Variants in PAG1 observed in about 807,000 individuals in gnomAD.
The protein encoded by PAG1 is phosphoprotein associated with glycosphingolipid-enriched microdomains 1.
Under a neutral mutation model 31.7 loss-of-function variants are expected in PAG1, and 23 were observed. The ratio of observed to expected loss-of-function variants is 0.73; its 90% CI spans 0.52 to 1.03. PAG1 has a LOEUF of 1.03. Ranked by LOEUF, PAG1 falls within the 50% of genes least tolerant of loss-of-function variation. PAG1 has a pLI of 0.00. For missense variants in PAG1, 473 were observed against 540.7 expected (o/e 0.87, Z 1.24); for synonymous variants, 214 against 210.3 (o/e 1.02, Z -0.15).
chr8:81,109,003 G>A lies in PAG1; in HGVS notation c.-234+2588C>T, dbSNP rs1586225466. ...GGTGGTTTCCTTGACTGTGTAGATTGCTGCAGCTACACGTGCAGGCAGGAA... is the reference window on the plus strand; with the variant it reads ...GGTGGTTTCCTTGACTGTGTAGATTACTGCAGCTACACGTGCAGGCAGGAA... On this transcript the variant is annotated intron_variant, in intron 1 of 8. Coordinates refer to ENST00000220597, the MANE Select transcript of PAG1 (RefSeq NM_018440.4). 2.0e-5 allele frequency among the ~76,000 whole-genome samples: 3 copies of A among 149,882 alleles called. No individual in the cohort carries two copies. In the East Asian group the frequency reaches 5.9e-4, roughly 29 times the overall value.
rs1471945429 is a variant in PAG1, at chr8:80,990,265, G to A, written c.177+1214C>T. Among the ~76,000 whole-genome samples, 3 of 152,190 alleles carry A rather than the reference G, an allele frequency of 2.0e-5. No homozygotes were observed. Among genetic ancestry groups the A allele is most frequent in the Admixed American group, 6.5e-5 (1 of 15,280 alleles). Reference sequence around the variant, plus strand: ...AAATCCTGGGGGTCCCAGGAGGAACGGGGAGTCCTGACAACTTCCTGCCTG... The same window carrying A: ...AAATCCTGGGGGTCCCAGGAGGAACAGGGAGTCCTGACAACTTCCTGCCTG... On this transcript the variant is annotated intron_variant, in intron 5 of 8. Transcript: ENST00000220597. This position sits in a 1 kb window ranked among gnomAD's most constrained non-coding sequence, Gnocchi z 5.1.
intron 2 of PAG1, among the ~76,000 whole-genome samples, chr8:81,046,898 T>A (rs1808651378): frequency 6.6e-6 from 1 of 152,190 alleles, no homozygotes; most frequent in Admixed American, 6.5e-5. Flanking sequence ...CATGTATCCA[T>A]GTGTTCTTAT....
At chr8:81,071,477 AAAT>A (rs748721138) in intron 1 of PAG1, among the ~76,000 whole-genome samples, 3 of 152,234 alleles carry the variant, frequency 2.0e-5, no homozygotes, top group Non-Finnish European at 4.4e-5. Flanking sequence ...GGGTGCTGGG[AAAT>A]TTCCCCACCA....
At chr8:81,082,442 G>A (rs1307333305) in intron 1 of PAG1, among the ~76,000 whole-genome samples, 1 of 152,058 alleles carries the variant, frequency 6.6e-6, no homozygotes, top group African/African-American at 2.4e-5. Flanking sequence ...CCTTGTATCT[G>A]TAGGTTTCAG....
At chr8:80,998,632 C>A (rs886895744) in intron 3 of PAG1, among the ~76,000 whole-genome samples, 3 of 151,520 alleles carry the variant, frequency 2.0e-5, no homozygotes, top group Admixed American at 6.6e-5. Context: ...AAGGTGCAGA[C>A]CAAATGGCAG....
In PAG1 at chr8:81,087,130, G is replaced by A. The variant is rs182781018; in HGVS notation, c.-233-16960C>T. ...GAGGCCAAGGCGGGCGGATCCCGAG[G>A]TCAGGAGATGGAGACCAGCCTGACC... On this transcript the variant is annotated intron_variant, in intron 1 of 8. Coordinates refer to ENST00000220597, the MANE Select transcript of PAG1 (RefSeq NM_018440.4). Among the ~76,000 whole-genome samples, 22 of 152,272 alleles carry A rather than the reference G, an allele frequency of 1.4e-4. 1 individual carries two copies. The highest frequency in any genetic ancestry group is 5.3e-4 in the African/African-American group (22 of 41,552).
At chr8:80,993,002 CTG>C in intron 4 of PAG1, 99 bp downstream of exon 4, 1 of 1,042,536 alleles carries the variant, frequency 9.6e-7, no homozygotes. Context: ...TGGGACGGCT[CTG>C]TGGCGGGATT....
chr8:81,051,318 A>G (rs999275265), intron 2 of PAG1, among the ~76,000 whole-genome samples: 2 of 152,216 alleles, frequency 1.3e-5, no homozygotes, highest in African/African-American at 4.8e-5. Context: ...AAAACGACTT[A>G]AGATTTTTGA....
intron 3 of PAG1, among the ~76,000 whole-genome samples, chr8:80,998,798 G>C (rs2130567803): frequency 6.6e-6 from 1 of 152,272 alleles, no homozygotes; most frequent in South Asian, 2.1e-4. Context: ...GGTCAGTAAT[G>C]ATAGTCATTA....
Position 80,976,373 on chromosome 8 carries a change from T to C in PAG1, c.*171A>G, listed in dbSNP as rs1235969001. 6.0e-6 allele frequency: 4 copies of C among 664,720 alleles called. No individual in the cohort carries two copies. The highest frequency in any genetic ancestry group is 6.0e-5 in the Admixed American group (2 of 33,384). The allele number at this position is 664,720 out of a possible 1,614,324, so 41.2% of individuals were successfully genotyped here. A position where few individuals can be genotyped will look rare whatever the true frequency, so the allele number is the denominator to read the frequency against. On this transcript the variant is annotated 3_prime_UTR_variant, in exon 9 of 9. Coordinates refer to ENST00000220597, the MANE Select transcript of PAG1 (RefSeq NM_018440.4). The stretch of plus-strand genomic sequence containing the variant: ...ACTCAGGTGCAGCCTAGTCCGTACC[T>C]CTCTGTCTCAGAAACTGAACAACTG...
At chr8:81,021,845 G>T (rs1808177803) in intron 3 of PAG1, among the ~76,000 whole-genome samples, 1 of 152,108 alleles carries the variant, frequency 6.6e-6, no homozygotes, top group Non-Finnish European at 1.5e-5. Context: ...AGTAGTGTGA[G>T]AATTTAAAGT....
At chr8:81,073,268 C>T (rs1056430420) in intron 1 of PAG1, among the ~76,000 whole-genome samples, 11 of 152,176 alleles carry the variant, frequency 7.2e-5, no homozygotes, top group African/African-American at 2.2e-4. Context: ...TACAGCTCTG[C>T]TAGTGTCCCA....
chr8:81,073,910 G>A (rs944035166), intron 1 of PAG1, among the ~76,000 whole-genome samples: 6 of 152,114 alleles, frequency 3.9e-5, no homozygotes, highest in Non-Finnish European at 8.8e-5. Flanking sequence ...CTGAAGGTGG[G>A]GGGGAGGCAG....
At chr8:80,988,194 C>G (rs749928333) in intron 5 of PAG1, among the ~76,000 whole-genome samples, 3 of 152,148 alleles carry the variant, frequency 2.0e-5, no homozygotes, top group South Asian at 4.1e-4. Flanking sequence ...TAGCTCAAGG[C>G]AGGAAGGGAA....
chr8:81,031,899 A>G (rs1244036422), intron 2 of PAG1, among the ~76,000 whole-genome samples: 1 of 152,234 alleles, frequency 6.6e-6, no homozygotes, highest in Non-Finnish European at 1.5e-5. Context: ...AAACCCATAT[A>G]TTTATATTCC....
intron 3 of PAG1, among the ~76,000 whole-genome samples, chr8:81,007,636 CAAAAAAAAAA>C (rs58612249): frequency 2.0e-5 from 1 of 49,720 alleles, no homozygotes; most frequent in Non-Finnish European, 3.3e-5. Flanking sequence ...GACTCTGTCT[CAAAAAAAAAA>C]AAAAAAAAAA....
chr8:81,002,887 G>T (rs1208228388), intron 3 of PAG1, among the ~76,000 whole-genome samples: 1 of 152,178 alleles, frequency 6.6e-6, no homozygotes, highest in East Asian at 1.9e-4. Context: ...GAGAAAGTCA[G>T]AACTTGTATT....
intron 7 of PAG1, among the ~76,000 whole-genome samples, 194 bp from the exon 8 acceptor site, chr8:80,980,688 T>G (rs898460701): frequency 5.9e-5 from 9 of 152,252 alleles, no homozygotes; most frequent in Non-Finnish European, 1.3e-4. Flanking sequence ...TCTAGTAGTA[T>G]TATCCTTAGA....
At chr8:81,091,047 G>T (rs1370508672) in intron 1 of PAG1, among the ~76,000 whole-genome samples, 3 of 152,130 alleles carry the variant, frequency 2.0e-5, no homozygotes, top group Non-Finnish European at 4.4e-5. Flanking sequence ...AGATGATAAG[G>T]GTCTAAACTA....
Sources: allele counts gnomAD v4.1 joint callset (sites outside exome capture counted in the v4.1 genomes callset), GRCh38; gene constraint gnomAD v4.1.1; non-coding constraint Gnocchi (gnomAD v3.1); transcripts MANE v1.5; gene names NCBI Gene and HGNC (gene_info 2026-07-23, HGNC 2026-07-21).